CHRM3: variants seen among roughly 807,000 people sequenced by gnomAD.
CHRM3 encodes cholinergic receptor muscarinic 3, also known as muscarinic acetylcholine receptor M3.
A neutral mutation model predicts 41.8 loss-of-function variants in CHRM3; 11 were observed. The observed-to-expected ratio is 0.26, with a 90% CI of 0.17 to 0.44. The LOEUF (loss-of-function observed/expected upper bound fraction) is 0.44, where lower values mean the gene tolerates loss of function less well. CHRM3 is among the 20% of genes least tolerant of loss of function. The pLI is 1.00. For synonymous variants in CHRM3, 297 were observed against 301.4 expected (o/e 0.99, Z 0.15); for missense variants, 571 against 745.4 (o/e 0.77, Z 2.72).
chr1:239,598,002 C>T (rs1301345051), intron 3 of CHRM3, among the ~76,000 whole-genome samples: 1 of 151,940 alleles, frequency 6.6e-6, no homozygotes. Flanking sequence ...TTGACTTAGA[C>T]ATTCACTTCT....
chr1:239,905,630 T>A lies in CHRM3; in HGVS notation c.-19-1803T>A, dbSNP rs576260591. Among the ~76,000 whole-genome samples the A allele has an allele frequency of 4.6e-5, 7 of 152,222 alleles. No individual in the cohort carries two copies. In the South Asian group the frequency reaches 1.2e-3, roughly 27 times the overall value. ...CTGAAGCATGAGAATCACTTGAACC[T>A]GGGAGGCAGAGGCTGCAGTGAGCCA... On this transcript the variant is annotated intron_variant, in intron 6 of 6. Coordinates refer to ENST00000676153, the MANE Select transcript of CHRM3 (RefSeq NM_001375978.1).
chr1:239,428,489 T>C (rs1251748185), intron 1 of CHRM3, among the ~76,000 whole-genome samples: 2 of 152,216 alleles, frequency 1.3e-5, no homozygotes, highest in African/African-American at 4.8e-5. Flanking sequence ...GGAACAACCC[T>C]ATGGAGTATG....
intron 2 of CHRM3, among the ~76,000 whole-genome samples, chr1:239,493,508 T>G (rs1667688007): frequency 6.6e-6 from 1 of 152,214 alleles, no homozygotes; most frequent in Non-Finnish European, 1.5e-5. Context: ...GAGATGAACA[T>G]TTATTTATAT....
intron 6 of CHRM3, among the ~76,000 whole-genome samples, chr1:239,841,933 G>A (rs1673830723): frequency 1.3e-5 from 2 of 152,176 alleles, no homozygotes; most frequent in Admixed American, 1.3e-4. Flanking sequence ...AAGAAACTTA[G>A]AATTCATTCA....
At chr1:239,856,244 T>TGGC (rs1460261026) in intron 6 of CHRM3, among the ~76,000 whole-genome samples, 1 of 152,098 alleles carries the variant, frequency 6.6e-6, no homozygotes, top group Admixed American at 6.6e-5. Flanking sequence ...TGATAAGGTT[T>TGGC]GGCTTTGTGT....
chr1:239,800,734 G>A (rs113993598), intron 5 of CHRM3, among the ~76,000 whole-genome samples: 64 of 152,146 alleles, frequency 4.2e-4, no homozygotes, highest in Non-Finnish European at 6.9e-4. Context: ...TTCCAGAGCC[G>A]TGAGATGATC....
At chr1:239,855,626 T>G (rs1344227235) in intron 6 of CHRM3, among the ~76,000 whole-genome samples, 2 of 152,048 alleles carry the variant, frequency 1.3e-5, no homozygotes, top group Non-Finnish European at 2.9e-5. Flanking sequence ...CAGAGTCTGC[T>G]TATAGATTGA....
chr1:239,796,316 G>A (rs1669763547), intron 5 of CHRM3, among the ~76,000 whole-genome samples: 1 of 151,834 alleles, frequency 6.6e-6, no homozygotes, highest in African/African-American at 2.4e-5. Context: ...AAAAAGAAGT[G>A]GAAAACAAAG....
chr1:239,401,546 A>T (rs1400432954), intron 1 of CHRM3, among the ~76,000 whole-genome samples: 1 of 150,070 alleles, frequency 6.7e-6, no homozygotes, highest in Non-Finnish European at 1.5e-5. Flanking sequence ...GCTGGAGTGC[A>T]GTGGTGCAAT....
intron 6 of CHRM3, among the ~76,000 whole-genome samples, chr1:239,835,010 GTTCATT>G (rs1572438949): frequency 6.6e-6 from 1 of 152,182 alleles, no homozygotes; most frequent in Non-Finnish European, 1.5e-5. Context: ...AGGCGAATTA[GTTCATT>G]TTCATTACTT....
chr1:239,704,606 G>C (rs778585576), intron 5 of CHRM3: 2 of 152,154 alleles, frequency 1.3e-5, no homozygotes, highest in Non-Finnish European at 2.9e-5. Context: ...CCTCTTCTCT[G>C]TGCAGGGTGC....
intron 4 of CHRM3, among the ~76,000 whole-genome samples, chr1:239,648,001 T>G (rs1235670566): frequency 6.6e-6 from 1 of 152,228 alleles, no homozygotes; most frequent in South Asian, 2.1e-4. Flanking sequence ...TCTATTTCAC[T>G]GTTTGAAATA....
At chr1:239,809,818 T>C (rs1670977754) in intron 5 of CHRM3, among the ~76,000 whole-genome samples, 1 of 152,246 alleles carries the variant, frequency 6.6e-6, no homozygotes, top group East Asian at 1.9e-4. Flanking sequence ...TGTTTTCCAA[T>C]TTGCTTCACC....
In CHRM3 at chr1:239,913,678, A is replaced by G. The variant is rs2103072466; in HGVS notation, c.*4454A>G. ...CTTTAGTGTTAATGTCTGGGAAGGG[A>G]GGCTCATGATAAGAAAATAAAAATG... On this transcript the variant is annotated 3_prime_UTR_variant, in exon 7 of 7. Coordinates refer to ENST00000676153, the MANE Select transcript of CHRM3 (RefSeq NM_001375978.1). The G allele has an allele frequency of 6.0e-6, 1 of 167,042 alleles. No individual in the cohort carries two copies. Among genetic ancestry groups the G allele is most frequent in the African/African-American group, 2.4e-5 (1 of 41,570 alleles). The allele number at this position is 167,042 out of a possible 1,614,324, so 10.3% of individuals were successfully genotyped here. A position where few individuals can be genotyped will look rare whatever the true frequency, so the allele number is the denominator to read the frequency against.
At chr1:239,787,384 G>A (rs2148837563) in intron 5 of CHRM3, among the ~76,000 whole-genome samples, 1 of 77,532 alleles carries the variant, frequency 1.3e-5, no homozygotes, top group South Asian at 4.6e-4. Flanking sequence ...AGAGGATGAA[G>A]CCTTGGCAGT....
intron 4 of CHRM3, among the ~76,000 whole-genome samples, chr1:239,639,512 T>G (rs185414598): frequency 1.3e-5 from 2 of 152,294 alleles, no homozygotes; most frequent in East Asian, 3.9e-4. Context: ...GGTATTTTAT[T>G]GTCTTTGAAT....
At chr1:239,664,164 A>G (rs1324434020) in intron 4 of CHRM3, among the ~76,000 whole-genome samples, 1 of 152,212 alleles carries the variant, frequency 6.6e-6, no homozygotes, top group East Asian at 1.9e-4. Flanking sequence ...CATTCATCCA[A>G]GAATCCTCTT....
intron 1 of CHRM3, among the ~76,000 whole-genome samples, chr1:239,424,902 T>G (rs1278534378): frequency 6.6e-6 from 1 of 152,172 alleles, no homozygotes; most frequent in Non-Finnish European, 1.5e-5. Flanking sequence ...TCCTAAAGAC[T>G]GGTGTAGGGG....
chr1:239,685,479 T>C (rs1659041897), intron 5 of CHRM3, among the ~76,000 whole-genome samples: 1 of 150,484 alleles, frequency 6.6e-6, no homozygotes, highest in Non-Finnish European at 1.5e-5. Flanking sequence ...AACAAAGCAA[T>C]AATGAGAAGT....
Sources: gnomAD v4.1 joint callset for allele counts (sites outside exome capture counted in the v4.1 genomes callset) on GRCh38, gnomAD v4.1.1 for gene constraint, MANE v1.5 for transcripts, NCBI Gene and HGNC (gene_info 2026-07-23, HGNC 2026-07-21) for gene names.